Variants in CLSTN2 observed in about 807,000 individuals in gnomAD.
CLSTN2 encodes calsyntenin-2.
Under a neutral mutation model 101.2 loss-of-function variants are expected in CLSTN2, and 48 were observed. The ratio of observed to expected loss-of-function variants is 0.47; its 90% CI spans 0.38 to 0.60. The LOEUF (loss-of-function observed/expected upper bound fraction) is 0.60, where lower values mean the gene tolerates loss of function less well. Among genes scored for constraint, CLSTN2 ranks in the 20% least tolerant of loss-of-function variants. The probability of loss-of-function intolerance (pLI) is 0.00; values close to 1 mark genes in which losing one functional copy is unlikely to be tolerated. For synonymous variants in CLSTN2, 481 were observed against 463.6 expected (o/e 1.04, Z -0.48); for missense variants, 1,160 against 1,238.2 (o/e 0.94, Z 0.95).
At chr3:140,160,821 C>G (rs113487362) in intron 1 of CLSTN2, among the ~76,000 whole-genome samples, 2,381 of 152,172 alleles carry the variant, frequency 0.016, 57 homozygotes, top group Non-Finnish European at 0.019. Context: ...TCAAAATACA[C>G]CCAGGAACGC....
intron 7 of CLSTN2, among the ~76,000 whole-genome samples, chr3:140,460,532 C>G (rs1484488534): frequency 6.6e-6 from 1 of 152,156 alleles, no homozygotes; most frequent in Non-Finnish European, 1.5e-5. Flanking sequence ...ACACAAGTCT[C>G]TATAATTATT....
At chr3:140,103,075 T>G (rs939316914) in intron 1 of CLSTN2, among the ~76,000 whole-genome samples, 1 of 152,232 alleles carries the variant, frequency 6.6e-6, no homozygotes, top group Non-Finnish European at 1.5e-5. Context: ...ACCAGCATTA[T>G]TATTTAATAG....
intron 1 of CLSTN2, among the ~76,000 whole-genome samples, chr3:140,040,295 T>C (rs1238605804): frequency 6.6e-6 from 1 of 152,170 alleles, no homozygotes; most frequent in Non-Finnish European, 1.5e-5. Flanking sequence ...CTCTTTGCCA[T>C]TTATCATAGA....
At chr3:140,535,145 C>G (rs1206485460) in intron 9 of CLSTN2, among the ~76,000 whole-genome samples, 1 of 152,218 alleles carries the variant, frequency 6.6e-6, no homozygotes, top group Non-Finnish European at 1.5e-5. Flanking sequence ...CATATGTGCA[C>G]GTGCACACAT....
intron 2 of CLSTN2, among the ~76,000 whole-genome samples, chr3:140,272,113 C>G (rs116182978): frequency 0.03 from 4,617 of 152,244 alleles, 145 homozygotes; most frequent in African/African-American, 0.072. Context: ...AAGAAAGAAG[C>G]TGGATAAAGG....
intron 1 of CLSTN2, among the ~76,000 whole-genome samples, chr3:140,125,349 G>A (rs1454424574): frequency 1.3e-5 from 2 of 152,072 alleles, no homozygotes; most frequent in African/African-American, 4.8e-5. Flanking sequence ...CAGGAGCAAA[G>A]CCCACAAATG....
intron 1 of CLSTN2, among the ~76,000 whole-genome samples, chr3:140,069,267 T>C (rs991211208): frequency 1.3e-5 from 2 of 152,164 alleles, no homozygotes; most frequent in East Asian, 3.9e-4. Flanking sequence ...GTGGGTTTGG[T>C]CTGGAGTCAG....
chr3:140,187,041 A>G (rs922416099), intron 2 of CLSTN2, among the ~76,000 whole-genome samples: 3 of 152,222 alleles, frequency 2.0e-5, no homozygotes, highest in South Asian at 2.1e-4. Flanking sequence ...TTTGTCCCCA[A>G]ATCCACTGCA....
At chr3:139,966,927 G>A (rs1236087448) in intron 1 of CLSTN2, among the ~76,000 whole-genome samples, 4 of 152,166 alleles carry the variant, frequency 2.6e-5, no homozygotes, top group Non-Finnish European at 4.4e-5. Context: ...TCACTCTATC[G>A]TGCTGCCAGG....
intron 4 of CLSTN2, 90 bp downstream of exon 4, chr3:140,404,856 G>C: frequency 9.2e-7 from 1 of 1,090,144 alleles, no homozygotes; most frequent in East Asian, 2.4e-5. Context: ...GAATATGCTT[G>C]GCAAGTTATG....
intron 1 of CLSTN2, among the ~76,000 whole-genome samples, chr3:140,017,242 G>T (rs1467029341): frequency 2.0e-5 from 3 of 152,210 alleles, no homozygotes; most frequent in East Asian, 1.9e-4. Context: ...GCCTGGGCAG[G>T]TACTCTCCAG....
intron 1 of CLSTN2, among the ~76,000 whole-genome samples, chr3:139,995,994 A>G (rs946381042): frequency 5.9e-5 from 9 of 152,336 alleles, no homozygotes; most frequent in Non-Finnish European, 8.8e-5. Context: ...TATAGCTCAA[A>G]CTAAGCATCA....
intron 1 of CLSTN2, among the ~76,000 whole-genome samples, chr3:140,045,099 G>A (rs1019150423): frequency 1.3e-5 from 2 of 152,166 alleles, no homozygotes; most frequent in Non-Finnish European, 2.9e-5. Context: ...AGTTTCAGAA[G>A]GAATGGTACC....
intron 2 of CLSTN2, among the ~76,000 whole-genome samples, chr3:140,304,723 T>A: frequency 6.6e-6 from 1 of 152,090 alleles, no homozygotes; most frequent in Admixed American, 6.5e-5. Flanking sequence ...GGAGGAAGCG[T>A]CTTTTCTCAT....
At chr3:140,521,996 T>C (rs753573575) in intron 8 of CLSTN2, among the ~76,000 whole-genome samples, 3 of 152,202 alleles carry the variant, frequency 2.0e-5, no homozygotes, top group Non-Finnish European at 4.4e-5. Context: ...CCTGAGTGGC[T>C]GCTCTGCAGG....
chr3:140,510,201 C>T lies in CLSTN2; in HGVS notation c.1345-22123C>T, dbSNP rs192902680. Reference sequence around the variant, plus strand: ...CTCTACTGAATACGTATTGTTTTTGCTCCATTGTAAAGTTGAACAATTATA... The same window carrying T: ...CTCTACTGAATACGTATTGTTTTTGTTCCATTGTAAAGTTGAACAATTATA... On this transcript the variant is annotated intron_variant, in intron 8 of 16. Transcript: ENST00000458420. 2.6e-5 allele frequency among the ~76,000 whole-genome samples: 4 copies of T among 152,286 alleles called. No homozygotes were observed. In the East Asian group the frequency reaches 7.7e-4, roughly 29 times the overall value.
At chr3:140,490,672 A>T (rs1003452606) in intron 8 of CLSTN2, among the ~76,000 whole-genome samples, 2 of 151,908 alleles carry the variant, frequency 1.3e-5, no homozygotes, top group Admixed American at 1.3e-4. Context: ...CAAGAGTGAA[A>T]TTCTGTGACT....
intron 2 of CLSTN2, among the ~76,000 whole-genome samples, chr3:140,321,496 A>C (rs2087282525): frequency 6.6e-6 from 1 of 152,098 alleles, no homozygotes; most frequent in Non-Finnish European, 1.5e-5. Context: ...GTGTGGATTC[A>C]TGCTCAGGTC....
rs145918009 is a variant in CLSTN2 at position 140,439,659 on chromosome 3, C to T, written c.788-8860C>T. Reference sequence around the variant, plus strand: ...CAGTTTCAGGATTCACATTTGTCCACGACATTTCAATTCAGGTGGGTGGGG... The same window carrying T: ...CAGTTTCAGGATTCACATTTGTCCATGACATTTCAATTCAGGTGGGTGGGG... On this transcript the variant is annotated intron_variant, in intron 5 of 16. Transcript: ENST00000458420. Among the ~76,000 whole-genome samples the T allele has an allele frequency of 1.5e-4, 23 of 152,280 alleles. No homozygotes were observed. The East Asian group carries it at 3.7e-3, about 24-fold the overall frequency.
Sources: gnomAD v4.1 joint callset for allele counts (sites outside exome capture counted in the v4.1 genomes callset) on GRCh38, gnomAD v4.1.1 for gene constraint, MANE v1.5 for transcripts, NCBI Gene and HGNC (gene_info 2026-07-23, HGNC 2026-07-21) for gene names.